PRKCH: variants seen among roughly 807,000 people sequenced by gnomAD.
The protein encoded by PRKCH is protein kinase C eta, also known as protein kinase C eta type.
In PRKCH, 28 loss-of-function variants were observed where a neutral mutation model predicts 82.5. That is an observed-to-expected ratio of 0.34 (90% CI 0.25 to 0.47). The LOEUF (loss-of-function observed/expected upper bound fraction) is 0.47. Ranked by LOEUF, PRKCH falls within the 20% of genes least tolerant of loss-of-function variation. PRKCH has a pLI of 1.00. For synonymous variants in PRKCH, 322 were observed against 327.4 expected, an observed-to-expected ratio of 0.98 and a Z score of 0.18; for missense variants, 705 against 881.8, an observed-to-expected ratio of 0.80 and a Z score of 2.54.
In PRKCH at chr14:61,453,261, A is replaced by C. The variant is rs748634122; in HGVS notation, c.868A>C (p.Asn290His). 1.2e-6 allele frequency: 2 copies of C among 1,614,220 alleles called. No homozygotes were observed. The highest frequency in any genetic ancestry group is 3.3e-5 in the Admixed American group (2 of 60,032). Residue 290 changes from asparagine (N) to histidine (H), a missense_variant, in exon 7 of 14, where the codon AAC becomes CAC. By Grantham distance (68) the Asn-to-His change is moderately conservative. Around this residue, in one of 5 missense-constraint regions of PRKCH, gnomAD observed 238 missense variants for 258.1 expected, o/e 0.92. Transcript: ENST00000332981. The stretch of plus-strand genomic sequence containing the variant: ...GAATGTGCATATTCGATGTCAAGCG[A>C]ACGTGGCCCCTAACTGTGGGGTAAA... ...KMNVHIRCQA[N>H]VAPNCGVNAV...
At chr14:61,262,217 T>TAGAAAAAAAAAAAAAAAA (rs1203573094) in intron 1 of PRKCH, among the ~76,000 whole-genome samples, 1 of 71,088 alleles carries the variant, frequency 1.4e-5, no homozygotes, top group African/African-American at 7.6e-5. Flanking sequence ...TGAGACTCTG[T>TAGAAAAAAAAAAAAAAAA]ATAAAAAAAA....
chr14:61,286,013 TG>T (rs1473330316), intron 1 of PRKCH, among the ~76,000 whole-genome samples: 7 of 152,248 alleles, frequency 4.6e-5, no homozygotes, highest in African/African-American at 1.4e-4. Flanking sequence ...ATCCAACTTT[TG>T]TTTAGCATGC....
intron 1 of PRKCH, among the ~76,000 whole-genome samples, chr14:61,289,549 A>G (rs1011143289): frequency 5.3e-5 from 8 of 152,298 alleles, no homozygotes; most frequent in South Asian, 2.1e-4. Flanking sequence ...TCTATAAAAA[A>G]TACCAAAATT....
chr14:61,346,192 A>T (rs1210326787), intron 1 of PRKCH, among the ~76,000 whole-genome samples: 1 of 151,370 alleles, frequency 6.6e-6, no homozygotes, highest in African/African-American at 2.4e-5. Flanking sequence ...GGTGGCACCA[A>T]TTTTTTTTTA....
intron 2 of PRKCH, among the ~76,000 whole-genome samples, chr14:61,429,200 A>G (rs1226857640): frequency 6.6e-6 from 1 of 152,222 alleles, no homozygotes; most frequent in Non-Finnish European, 1.5e-5. Flanking sequence ...CCTCTTCTTC[A>G]ATACAAACAT....
At position 61,220,933 on chromosome 14, in the gene PRKCH, G is replaced by A. The variant is rs1239673179; in HGVS notation, c.-19+33265G>A. 3.3e-5 allele frequency among the ~76,000 whole-genome samples: 5 copies of A among 152,114 alleles called. No homozygotes were observed. In the East Asian group the frequency reaches 9.6e-4, roughly 29 times the overall value. On this transcript the variant is annotated intron_variant, in intron 1 of 3. Transcript: ENST00000555185. ...ACAGCCCACGTTCTGGTAAGTCTCG[G>A]GAAAGGGGAAGGGTTGGCAGAATAA...
At chr14:61,299,479 T>C (rs1393071617) in intron 1 of PRKCH, among the ~76,000 whole-genome samples, 1 of 17,532 alleles carries the variant, frequency 5.7e-5, no homozygotes, top group African/African-American at 7.8e-5. Context: ...AACTTTCAGG[T>C]TTTTTCTACT....
At chr14:61,395,085 A>C (rs1335159556) in intron 2 of PRKCH, among the ~76,000 whole-genome samples, 1 of 152,166 alleles carries the variant, frequency 6.6e-6, no homozygotes, top group Non-Finnish European at 1.5e-5. Context: ...TAAAATTTTA[A>C]TATTGAAATC....
At chr14:61,512,886 G>A (rs754406905) in intron 10 of PRKCH, among the ~76,000 whole-genome samples, 8 of 151,968 alleles carry the variant, frequency 5.3e-5, no homozygotes, top group Non-Finnish European at 1.0e-4. Context: ...GAGTGCAGTG[G>A]CATGATCATA....
At chr14:61,512,401 TG>T (rs1406497116) in intron 10 of PRKCH, among the ~76,000 whole-genome samples, 5 of 152,054 alleles carry the variant, frequency 3.3e-5, no homozygotes, top group Non-Finnish European at 7.4e-5. Flanking sequence ...CTGCCTTCTC[TG>T]GAAAAAATGC....
At chr14:61,493,711 T>C (rs949325304) in intron 10 of PRKCH, among the ~76,000 whole-genome samples, 10 of 152,016 alleles carry the variant, frequency 6.6e-5, no homozygotes. Context: ...ATTTTACTTT[T>C]ACGTGCGGGT....
intron 1 of PRKCH, among the ~76,000 whole-genome samples, chr14:61,339,419 G>A (rs1233505042): frequency 6.7e-6 from 1 of 149,808 alleles, no homozygotes; most frequent in South Asian, 2.1e-4. Flanking sequence ...TGCCTCCCGG[G>A]TTCACGCCAT....
At chr14:61,493,256 C>T (rs78682398) in intron 10 of PRKCH, among the ~76,000 whole-genome samples, 4,427 of 152,248 alleles carry the variant, frequency 0.029, 189 homozygotes, top group East Asian at 0.098. Flanking sequence ...ATGGAAGCTC[C>T]GTGGAGTCAT....
intron 1 of PRKCH, among the ~76,000 whole-genome samples, chr14:61,339,941 T>C (rs2045911184): frequency 6.6e-6 from 1 of 151,950 alleles, no homozygotes. Context: ...TGACTTGGCC[T>C]CCCAAAGTGC....
intron 1 of PRKCH, among the ~76,000 whole-genome samples, chr14:61,203,553 G>GA (rs2044499185): frequency 6.6e-6 from 1 of 152,128 alleles, no homozygotes; most frequent in African/African-American, 2.4e-5. Context: ...CTGCTTCCTG[G>GA]AAAAAATCAA....
chr14:61,205,807 A>G (rs2044518668), intron 1 of PRKCH, among the ~76,000 whole-genome samples: 2 of 152,196 alleles, frequency 1.3e-5, no homozygotes, highest in Non-Finnish European at 1.5e-5. Context: ...AGATTCTGAG[A>G]GGAATTCCGT....
chr14:61,329,255 G>C (rs1244744283), intron 1 of PRKCH, among the ~76,000 whole-genome samples: 1 of 2,522 alleles, frequency 4.0e-4, no homozygotes, highest in African/African-American at 9.3e-4. Context: ...TTTTTTTTTT[G>C]AGACAGAATC....
At chr14:61,410,202 C>A (rs1303881379) in intron 2 of PRKCH, among the ~76,000 whole-genome samples, 1 of 152,136 alleles carries the variant, frequency 6.6e-6, no homozygotes, top group Non-Finnish European at 1.5e-5. Context: ...TTTTGTTTCA[C>A]TTAGGACTTC....
intron 8 of PRKCH, 25 bp downstream of exon 8, chr14:61,457,344 G>C: frequency 1.2e-6 from 2 of 1,612,474 alleles, no homozygotes; most frequent in Non-Finnish European, 1.7e-6. Flanking sequence ...TAACTGTTTG[G>C]GTTGAAGTAA....
Sources: allele counts gnomAD v4.1 joint callset (sites outside exome capture counted in the v4.1 genomes callset), GRCh38; gene constraint gnomAD v4.1.1; regional missense constraint gnomAD v4.1.1; transcripts MANE v1.5; gene names NCBI Gene and HGNC (gene_info 2026-07-23, HGNC 2026-07-21).